Variants in FAM120B observed in about 807,000 individuals in gnomAD.
The protein encoded by FAM120B is constitutive coactivator of peroxisome proliferator-activated receptor gamma.
A neutral mutation model predicts 96.3 loss-of-function variants in FAM120B; 83 were observed. That is an observed-to-expected ratio of 0.86 (90% CI 0.72 to 1.03). The LOEUF is 1.03. Ranked by LOEUF, FAM120B falls within the 50% of genes least tolerant of loss-of-function variation. The pLI, the probability that FAM120B is intolerant of heterozygous loss-of-function variation, is 0.00. For synonymous variants in FAM120B, 407 were observed against 402.7 expected, an observed-to-expected ratio of 1.01 and a Z score of -0.13; for missense variants, 1,027 against 1,121.2, an observed-to-expected ratio of 0.92 and a Z score of 1.20.
chr6:170,357,381 C>T (rs1428230984), intron 5 of FAM120B, among the ~76,000 whole-genome samples: 7 of 152,112 alleles, frequency 4.6e-5, no homozygotes, highest in Non-Finnish European at 8.8e-5. Context: ...GTGTCTTCCC[C>T]GCTCTTCACG....
rs1778766007 is a variant in FAM120B, at chr6:170,405,255, T to A, written c.*504T>A. The A allele has an allele frequency of 6.6e-6, 1 of 152,300 alleles. No individual in the cohort carries two copies. Among genetic ancestry groups the A allele is most frequent in the Non-Finnish European group, 1.5e-5 (1 of 68,104 alleles). 9.4% of individuals were successfully genotyped at this position (152,300 alleles called of 1,614,324 possible). A position where few individuals can be genotyped will look rare whatever the true frequency, so the allele number is the denominator to read the frequency against. On this transcript the variant is annotated 3_prime_UTR_variant, in exon 11 of 11. Transcript: ENST00000476287. Reference sequence around the variant, plus strand: ...ACATATCTATACCTTGGCTTTTTCCTCTACGTACATACCATGATAAAGCTT... The same window carrying A: ...ACATATCTATACCTTGGCTTTTTCCACTACGTACATACCATGATAAAGCTT...
chr6:170,346,214 G>A (rs1322445953), intron 4 of FAM120B, among the ~76,000 whole-genome samples: 1 of 151,132 alleles, frequency 6.6e-6, no homozygotes, highest in Non-Finnish European at 1.5e-5. Flanking sequence ...AAATTTTCAT[G>A]TGTAAGCAAT....
upstream of FAM120B, among the ~76,000 whole-genome samples, chr6:170,305,949 A>C (rs1784264914): frequency 2.0e-5 from 3 of 152,160 alleles, no homozygotes; most frequent in Non-Finnish European, 4.4e-5. Flanking sequence ...AGGGACCTGC[A>C]CGATCAGGTG....
chr6:170,364,969 T>C lies in FAM120B; in HGVS notation c.2283+6651T>C, dbSNP rs1228258034. 3.6e-4 allele frequency among the ~76,000 whole-genome samples: 55 copies of C among 152,238 alleles called. 1 individual carries two copies. The highest frequency in any genetic ancestry group is 3.6e-3 in the Admixed American group (55 of 15,292). ...TGGGATGATTTTCTGATTCACTGGATTGACTTCTGGGTTGAAAAGCAAAGC... is the reference window on the plus strand; with the variant it reads ...TGGGATGATTTTCTGATTCACTGGACTGACTTCTGGGTTGAAAAGCAAAGC... On this transcript the variant is annotated intron_variant, in intron 6 of 10. Coordinates refer to ENST00000476287, the MANE Select transcript of FAM120B (RefSeq NM_032448.3).
rs1431656529 is a variant in FAM120B at position 170,312,008 on chromosome 6, GTTC to G, written c.-22+5168_-22+5170del. Among the ~76,000 whole-genome samples, 3 of 152,188 alleles carry G rather than the reference GTTC, an allele frequency of 2.0e-5. No homozygotes were observed. The East Asian group carries it at 5.8e-4, about 29-fold the overall frequency. ...GTGCAATATCAGAAATAATCCAGGT[GTTC>G]TCCAGCAGAGTTAAAGAACTTACGT... On this transcript the variant is annotated intron_variant, in intron 1 of 10. Transcript: ENST00000476287.
At chr6:170,397,625 G>C (rs1476516555) in intron 9 of FAM120B, among the ~76,000 whole-genome samples, 1 of 152,168 alleles carries the variant, frequency 6.6e-6, no homozygotes, top group African/African-American at 2.4e-5. Flanking sequence ...GCTGATGATG[G>C]CACACAGCTT....
At chr6:170,335,475 G>C (rs1475646885) in intron 4 of FAM120B, among the ~76,000 whole-genome samples, 3 of 152,116 alleles carry the variant, frequency 2.0e-5, no homozygotes, top group Non-Finnish European at 2.9e-5. Context: ...CATTTGGATT[G>C]GTTCCAAGCC....
rs113637070 is a variant in FAM120B at position 170,377,247 on chromosome 6, T to C, written c.2284-11040T>C. On this transcript the variant is annotated intron_variant, in intron 6 of 10. Transcript: ENST00000476287. ...ACACGCGTCCCTAATCCCAGATGCCTGGGAGAACGCAGGCTCACGCTGCTC... is the reference window on the plus strand; with the variant it reads ...ACACGCGTCCCTAATCCCAGATGCCCGGGAGAACGCAGGCTCACGCTGCTC... Among the ~76,000 whole-genome samples the C allele has an allele frequency of 9.5e-3, 698 of 73,706 alleles. 32 individuals are homozygous for C. The highest frequency in any genetic ancestry group is 0.018 in the Middle Eastern group (2 of 114). 48.4% of individuals were successfully genotyped at this position (73,706 alleles called of 152,430 possible). A position where few individuals can be genotyped will look rare whatever the true frequency, so the allele number is the denominator to read the frequency against.
chr6:170,370,563 A>G lies in FAM120B; in HGVS notation c.2283+12245A>G, dbSNP rs1789123074. Among the ~76,000 whole-genome samples the G allele has an allele frequency of 6.6e-6, 1 of 152,112 alleles. No individual in the cohort carries two copies. Among genetic ancestry groups the G allele is most frequent in the Non-Finnish European group, 1.5e-5 (1 of 68,018 alleles). ...GGTTAAACCTAAACTCAGAAGCCAG[A>G]ACTCGGTAATATTACCCTCTGATCC... On this transcript the variant is annotated intron_variant, in intron 6 of 10. Coordinates refer to ENST00000476287, the MANE Select transcript of FAM120B (RefSeq NM_032448.3). This position sits in a 1 kb window ranked among gnomAD's most constrained non-coding sequence, Gnocchi z 4.3.
intron 4 of FAM120B, among the ~76,000 whole-genome samples, chr6:170,335,989 C>T (rs1170573050): frequency 6.6e-6 from 1 of 152,162 alleles, no homozygotes; most frequent in Non-Finnish European, 1.5e-5. Flanking sequence ...TTCCCCCATT[C>T]TGTAGGTTGC....
At chr6:170,354,506 G>A (rs9459993) in intron 5 of FAM120B, among the ~76,000 whole-genome samples, 2,487 of 152,196 alleles carry the variant, frequency 0.016, 81 homozygotes, top group African/African-American at 0.057. Flanking sequence ...TTTTTACTAT[G>A]TATTCATCTG....
Position 170,323,269 on chromosome 6 carries a change from G to T in FAM120B, c.1915+10G>T, listed in dbSNP as rs762646605. On this transcript the variant is annotated intron_variant, in intron 3 of 10. Transcript: ENST00000476287. ...CTGGAGGACTGTCAAGGTGAGAATTGGTTGGTCCCTCTTAGTAAAGGTTCT... is the reference window on the plus strand; with the variant it reads ...CTGGAGGACTGTCAAGGTGAGAATTTGTTGGTCCCTCTTAGTAAAGGTTCT... 4 of 1,608,504 alleles carry T rather than the reference G, an allele frequency of 2.5e-6. No homozygotes were observed. In the African/African-American group the frequency reaches 4.0e-5, roughly 16 times the overall value.
chr6:170,401,340 G>A (rs73040873), intron 9 of FAM120B, among the ~76,000 whole-genome samples: 22,163 of 152,206 alleles, frequency 0.15, 2,075 homozygotes, highest in Non-Finnish European at 0.2. Flanking sequence ...AGCAGCTGGT[G>A]TGTGGGTGAG....
intron 1 of FAM120B, among the ~76,000 whole-genome samples, chr6:170,315,000 C>G (rs1347770817): frequency 6.6e-6 from 1 of 152,238 alleles, no homozygotes; most frequent in Non-Finnish European, 1.5e-5. Context: ...GCCCCACTGG[C>G]TGCTGACCAC....
In FAM120B at chr6:170,370,769, C is replaced by T. The variant is rs1455697211; in HGVS notation, c.2283+12451C>T. On this transcript the variant is annotated intron_variant, in intron 6 of 10. Coordinates refer to ENST00000476287, the MANE Select transcript of FAM120B (RefSeq NM_032448.3). This position sits in a 1 kb window ranked among gnomAD's most constrained non-coding sequence, Gnocchi z 4.3. ...CTTAACATTCTTTTAAACTTGGTTTCTTCCTGTAGCTTTACATGTATAAAT... is the reference window on the plus strand; with the variant it reads ...CTTAACATTCTTTTAAACTTGGTTTTTTCCTGTAGCTTTACATGTATAAAT... Among the ~76,000 whole-genome samples the T allele has an allele frequency of 2.0e-5, 3 of 152,136 alleles. No individual in the cohort carries two copies. Among genetic ancestry groups the T allele is most frequent in the Non-Finnish European group, 2.9e-5 (2 of 68,018 alleles).
rs79489289 is a variant in FAM120B, at chr6:170,335,020, G to A, written c.2017+4470G>A. ...TAAAGATTCACTTTGCATGTGCGTA[G>A]TCAGGGTTTTTTGAGTTTTTTTTTT... On this transcript the variant is annotated intron_variant, in intron 4 of 10. Transcript: ENST00000476287. Among the ~76,000 whole-genome samples, 938 of 150,426 alleles carry A rather than the reference G, an allele frequency of 6.2e-3. 8 individuals are homozygous for A. Among genetic ancestry groups the A allele is most frequent in the African/African-American group, 0.022 (898 of 40,976 alleles).
At chr6:170,325,018 T>C (rs2115045274) in intron 3 of FAM120B, among the ~76,000 whole-genome samples, 1 of 152,362 alleles carries the variant, frequency 6.6e-6, no homozygotes, top group East Asian at 1.9e-4. Context: ...GAGAAAACGG[T>C]TAAAAATTCC....
intron 3 of FAM120B, 103 bp downstream of exon 3, chr6:170,323,362 A>C: frequency 3.1e-6 from 3 of 954,298 alleles, no homozygotes; most frequent in Non-Finnish European, 4.7e-6. Context: ...CATGGAGACA[A>C]TTAAATGGGT....
In FAM120B at chr6:170,323,228, G is replaced by A. The variant is rs1785410033; in HGVS notation, c.1884G>A (p.Arg628=). Residue 628 remains arginine, a synonymous_variant, in exon 3 of 11, where the codon CGG becomes CGA. Transcript: ENST00000476287. ...QAFIYRPIRQ[R]VYSLLLEDCQ... ...TCATTTACCGTCCCATTCGACAGCG[G>A]GTCTACTCACTCTTACTGGAGGACT... The A allele has an allele frequency of 1.9e-6, 3 of 1,613,784 alleles. No homozygotes were observed. The highest frequency in any genetic ancestry group is 2.7e-5 in the African/African-American group (2 of 74,908).
Sources: allele counts gnomAD v4.1 joint callset (sites outside exome capture counted in the v4.1 genomes callset), GRCh38; gene constraint gnomAD v4.1.1; non-coding constraint Gnocchi (gnomAD v3.1); transcripts MANE v1.5; gene names NCBI Gene and HGNC (gene_info 2026-07-23, HGNC 2026-07-21).